Variants in SLC9A2 observed in about 807,000 individuals in gnomAD.
SLC9A2 encodes solute carrier family 9 member A2, also known as sodium/hydrogen exchanger 2.
Under a neutral mutation model 71.7 loss-of-function variants are expected in SLC9A2, and 42 were observed. That is an observed-to-expected ratio of 0.59 (90% CI 0.46 to 0.76). The LOEUF (loss-of-function observed/expected upper bound fraction) is 0.76, where lower values mean the gene tolerates loss of function less well. SLC9A2 is among the 30% of genes least tolerant of loss of function. SLC9A2 has a pLI of 0.00. For missense variants in SLC9A2, 829 were observed against 1,017.4 expected, an observed-to-expected ratio of 0.81 and a Z score of 2.52; for synonymous variants, 396 against 392.5, an observed-to-expected ratio of 1.01 and a Z score of -0.10.
At chr2:102,703,079 T>A (rs1573436374) in intron 9 of SLC9A2, among the ~76,000 whole-genome samples, 1 of 152,042 alleles carries the variant, frequency 6.6e-6, no homozygotes, top group Admixed American at 6.6e-5. Flanking sequence ...CACAGGGAGG[T>A]GAAGTGGCAC....
chr2:102,665,326 T>C lies in SLC9A2; in HGVS notation c.980T>C (p.Met327Thr). ...YSYLSYITAE[M>T]FHLSGIMAIT... ...TATTTGTCCTACATCACAGCTGAAA[T>C]GTTTCACCTCTCAGGCATCATGGCG... is the stretch of plus-strand genomic sequence containing the variant. The change falls in exon 3 of 12, where the codon ATG becomes ACG. Residue 327 changes from methionine (M) to threonine (T), a missense_variant. This residue lies in a region of SLC9A2 where 500 missense variants were observed against 726.3 expected (regional missense o/e 0.69). Coordinates refer to ENST00000233969, the MANE Select transcript of SLC9A2 (RefSeq NM_003048.6). 1.2e-6 allele frequency: 2 copies of C among 1,613,428 alleles called. No individual in the cohort carries two copies. The highest frequency in any genetic ancestry group is 1.7e-6 in the Non-Finnish European group (2 of 1,179,376).
intron 3 of SLC9A2, among the ~76,000 whole-genome samples, chr2:102,681,626 T>A (rs530991725): frequency 6.6e-6 from 1 of 152,388 alleles, no homozygotes; most frequent in African/African-American, 2.4e-5. Context: ...GGCTTTGCCA[T>A]GTGTTTATAG....
Position 102,619,560 on chromosome 2 carries a change from A to T in SLC9A2, c.-289A>T, listed in dbSNP as rs1676089345. 8.5e-6 allele frequency: 2 copies of T among 234,630 alleles called. No homozygotes were observed. The highest frequency in any genetic ancestry group is 1.8e-4 in the South Asian group (1 of 5,676). 14.5% of individuals were successfully genotyped at this position (234,630 alleles called of 1,614,324 possible). On this transcript the variant is annotated 5_prime_UTR_variant, in exon 1 of 12. Transcript: ENST00000233969. The surrounding 1 kb of genome is among the most constrained non-coding windows in gnomAD (Gnocchi z 4.3). ...GGGCCTGCCGCTGCGGCTGGAGAGC[A>T]GCGCACCGGCATGGGCAGGCGGCCG...
chr2:102,708,068 A>G (rs532440440), intron 11 of SLC9A2, 51 bp from the exon 12 acceptor site: 1 of 1,564,340 alleles, frequency 6.4e-7, no homozygotes, highest in Non-Finnish European at 8.6e-7. Context: ...AGTTACTTGC[A>G]ATGCCTTCTC....
At chr2:102,707,650 C>G (rs1314841170) in intron 11 of SLC9A2, among the ~76,000 whole-genome samples, 1 of 152,192 alleles carries the variant, frequency 6.6e-6, no homozygotes, top group Non-Finnish European at 1.5e-5. Context: ...CAAGAATCTT[C>G]TCCATAGCAG....
In SLC9A2 at chr2:102,708,484, C is replaced by T; in HGVS notation, c.2434C>T (p.Pro812Ser). Residue 812 changes from proline (P) to serine (S), a missense_variant, in exon 12 of 12, where the codon CCT becomes TCT. Physicochemically the swap from Pro to Ser is moderately conservative, Grantham distance 74 (BLOSUM62 -1). Around this residue, in one of 3 missense-constraint regions of SLC9A2, gnomAD observed 223 missense variants for 197.5 expected, o/e 1.13. Transcript: ENST00000233969. ...GAAAGCCCGATTTGGGAGTGAGAAGCCTTAAGAGAAGCAGCGAAAGCAGAT... is the reference window on the plus strand; with the variant it reads ...GAAAGCCCGATTTGGGAGTGAGAAGTCTTAAGAGAAGCAGCGAAAGCAGAT... ...SRKARFGSEK[P>S] is the part of the protein sequence containing the mutation. The T allele has an allele frequency of 6.2e-7, 1 of 1,613,074 alleles. No individual in the cohort carries two copies. Among genetic ancestry groups the T allele is most frequent in the Middle Eastern group, 1.7e-4 (1 of 6,058 alleles).
At chr2:102,671,521 C>T (rs1447197301) in intron 3 of SLC9A2, among the ~76,000 whole-genome samples, 1 of 152,062 alleles carries the variant, frequency 6.6e-6, no homozygotes, top group African/African-American at 2.4e-5. Flanking sequence ...TATAACTTTG[C>T]CTGAACTGTA....
At chr2:102,667,716 C>T (rs1300327746) in intron 3 of SLC9A2, among the ~76,000 whole-genome samples, 1 of 152,098 alleles carries the variant, frequency 6.6e-6, no homozygotes, top group African/African-American at 2.4e-5. Context: ...TTTCCAACTT[C>T]AAAGTGAAGA....
intron 3 of SLC9A2, among the ~76,000 whole-genome samples, chr2:102,679,214 C>T (rs1212815046): frequency 6.6e-6 from 1 of 152,074 alleles, no homozygotes; most frequent in African/African-American, 2.4e-5. Context: ...TGTTCAGTGT[C>T]TCACTGAGGC....
At chr2:102,694,946 C>A in intron 6 of SLC9A2, 97 bp from the exon 7 acceptor site, 2 of 967,376 alleles carry the variant, frequency 2.1e-6, no homozygotes, top group Non-Finnish European at 3.2e-6. Flanking sequence ...GAAGCAAAAG[C>A]CATGAAGGTC....
intron 6 of SLC9A2, 149 bp downstream of exon 6, chr2:102,694,652 G>C (rs890786783): frequency 8.8e-6 from 4 of 452,914 alleles, no homozygotes; most frequent in African/African-American, 8.0e-5. Flanking sequence ...ATTTGCTGGG[G>C]GAGTATAGAA....
chr2:102,695,773 ATATATTATATATATATTAT>A lies in SLC9A2; in HGVS notation c.1586+661_1586+679del, dbSNP rs1677745282. Among the ~76,000 whole-genome samples the A allele has an allele frequency of 3.3e-4, 9 of 27,040 alleles. No individual in the cohort carries two copies. In the South Asian group the frequency reaches 9.5e-3, roughly 28 times the overall value. 17.7% of individuals were successfully genotyped at this position (27,040 alleles called of 152,430 possible). A position where few individuals can be genotyped will look rare whatever the true frequency, so the allele number is the denominator to read the frequency against. The stretch of plus-strand genomic sequence containing the variant: ...GAAATAACGTGTATATATATATAAT[ATATATTATATATATATTAT>A]ATATATATTATATATATATATAATA... On this transcript the variant is annotated intron_variant, in intron 7 of 11. Coordinates refer to ENST00000233969, the MANE Select transcript of SLC9A2 (RefSeq NM_003048.6).
chr2:102,707,544 A>G (rs1184808037), intron 11 of SLC9A2, among the ~76,000 whole-genome samples: 1 of 152,180 alleles, frequency 6.6e-6, no homozygotes, highest in Non-Finnish European at 1.5e-5. Context: ...ATCTGCTTCC[A>G]AAGCTGTCTC....
At chr2:102,670,251 C>T (rs541727908) in intron 3 of SLC9A2, among the ~76,000 whole-genome samples, 26 of 151,466 alleles carry the variant, frequency 1.7e-4, no homozygotes, top group African/African-American at 6.1e-4. Flanking sequence ...CTCCTGACCT[C>T]GTGATCCGCC....
chr2:102,626,869 C>G (rs143848091), intron 1 of SLC9A2, among the ~76,000 whole-genome samples: 42 of 152,228 alleles, frequency 2.8e-4, no homozygotes, highest in African/African-American at 9.1e-4. Flanking sequence ...ATTTTTATCA[C>G]CAAATGAAAA....
In SLC9A2 at chr2:102,708,431, T is replaced by C; in HGVS notation, c.2381T>C (p.Val794Ala). ...GIPPKPPPRL[V>A]WRASEPGSRK... ...CCGCCCAAGCCGCCACCACGGCTGG[T>C]CTGGAGGGCATCGGAACCTGGAAGC... Residue 794 changes from valine to alanine, a missense_variant, in exon 12 of 12, where the codon GTC (valine) becomes GCC (alanine). Coordinates refer to ENST00000233969, the MANE Select transcript of SLC9A2 (RefSeq NM_003048.6). The C allele has an allele frequency of 6.2e-7, 1 of 1,614,088 alleles. No homozygotes were observed. The highest frequency in any genetic ancestry group is 8.5e-7 in the Non-Finnish European group (1 of 1,180,026).
intron 1 of SLC9A2, among the ~76,000 whole-genome samples, chr2:102,625,149 A>G (rs1676222160): frequency 6.6e-6 from 1 of 151,978 alleles, no homozygotes; most frequent in African/African-American, 2.4e-5. Context: ...TCCTTCTCAA[A>G]GCCTCCATCT....
intron 5 of SLC9A2, among the ~76,000 whole-genome samples, chr2:102,685,067 G>A (rs929117698): frequency 5.3e-5 from 8 of 152,210 alleles, no homozygotes; most frequent in African/African-American, 1.9e-4. Context: ...AGCATGGTAA[G>A]GGTAAAGTCG....
At chr2:102,647,684 C>A (rs1227844295) in intron 1 of SLC9A2, among the ~76,000 whole-genome samples, 1 of 152,048 alleles carries the variant, frequency 6.6e-6, no homozygotes, top group African/African-American at 2.4e-5. Context: ...CACAGAAATA[C>A]AAAATACCAT....
Sources: allele counts gnomAD v4.1 joint callset (sites outside exome capture counted in the v4.1 genomes callset), GRCh38; gene constraint gnomAD v4.1.1; regional missense constraint gnomAD v4.1.1; non-coding constraint Gnocchi (gnomAD v3.1); transcripts MANE v1.5; gene names NCBI Gene and HGNC (gene_info 2026-07-23, HGNC 2026-07-21).